RCN2: variants seen among roughly 807,000 people sequenced by gnomAD.
The protein encoded by RCN2 is reticulocalbin-2.
RCN2 carries 23 observed loss-of-function variants against 37.5 expected under a neutral mutation model. The ratio of observed to expected loss-of-function variants is 0.61; its 90% CI spans 0.44 to 0.87. The LOEUF (loss-of-function observed/expected upper bound fraction) is 0.87, where lower values mean the gene tolerates loss of function less well. Among genes scored for constraint, RCN2 ranks in the 40% least tolerant of loss-of-function variants. The pLI, the probability that RCN2 is intolerant of heterozygous loss-of-function variation, is 0.00. For synonymous variants in RCN2, 140 were observed against 144.6 expected, an observed-to-expected ratio of 0.97 and a Z score of 0.23; for missense variants, 381 against 390.4, an observed-to-expected ratio of 0.98 and a Z score of 0.20.
chr15:76,941,986 A>G (rs561032856), intron 3 of RCN2: 44 of 237,266 alleles, frequency 1.9e-4, no homozygotes, highest in African/African-American at 9.8e-4. Flanking sequence ...GTCTGCTTTT[A>G]CCATGTTAAA....
intron 3 of RCN2, among the ~76,000 whole-genome samples, chr15:76,938,060 T>G (rs2075260447): frequency 6.6e-6 from 1 of 152,180 alleles, no homozygotes; most frequent in Non-Finnish European, 1.5e-5. Flanking sequence ...TCAGGGTAAT[T>G]AGAGGATCAC....
At chr15:76,943,560 G>A (rs75116689) in intron 3 of RCN2, 198 bp from the exon 4 acceptor site, 5,813 of 402,542 alleles carry the variant, frequency 0.014, 78 homozygotes, top group Non-Finnish European at 0.02. Context: ...TGGAATTCAG[G>A]TCTGGGTCTA....
At chr15:76,934,615 T>C (rs1331856606) in intron 2 of RCN2, among the ~76,000 whole-genome samples, 1 of 152,246 alleles carries the variant, frequency 6.6e-6, no homozygotes, top group African/African-American at 2.4e-5. Context: ...AAAGGTAATA[T>C]ACTGAAGCAG....
intron 1 of RCN2, 86 bp from the exon 2 acceptor site, chr15:76,932,275 G>T (rs1596000965): frequency 1.9e-6 from 2 of 1,059,396 alleles, no homozygotes; most frequent in Non-Finnish European, 2.9e-6. Context: ...TTGGCAAGGG[G>T]GTCTTCTAGT....
chr15:76,947,505 A>G lies in RCN2; in HGVS notation c.646A>G (p.Arg216Gly), dbSNP rs772343896. Residue 216 changes from arginine to glycine, a missense_variant, in exon 5 of 7, where the codon AGG becomes GGG. Coordinates refer to ENST00000394885, the MANE Select transcript of RCN2 (RefSeq NM_002902.3). ...VSLEEFLGDYRWDPTANEDPE... is the reference protein window; with the variant it reads ...VSLEEFLGDYGWDPTANEDPE... ...TTTGGAAGAATTTCTTGGTGATTAC[A>G]GGTGGGATCCAAGTAAGTCACCTGG... 9 of 1,599,146 alleles carry G rather than the reference A, an allele frequency of 5.6e-6. No individual in the cohort carries two copies. The African/African-American group carries it at 9.4e-5, about 17-fold the overall frequency.
chr15:76,936,041 T>C (rs1386043916), intron 3 of RCN2, among the ~76,000 whole-genome samples: 1 of 152,198 alleles, frequency 6.6e-6, no homozygotes, highest in African/African-American at 2.4e-5. Flanking sequence ...ATCAGTTTTA[T>C]CTTTATTAAG....
intron 3 of RCN2, among the ~76,000 whole-genome samples, 192 bp downstream of exon 3, chr15:76,935,914 C>T (rs888356043): frequency 1.2e-4 from 18 of 152,194 alleles, no homozygotes; most frequent in Non-Finnish European, 1.3e-4. Context: ...TTCTAAATTA[C>T]CTACATGATC....
chr15:76,937,792 T>G (rs1185291133), intron 3 of RCN2, among the ~76,000 whole-genome samples: 1 of 152,198 alleles, frequency 6.6e-6, no homozygotes, highest in Admixed American at 6.5e-5. Flanking sequence ...ATATGCTTCT[T>G]AAGCAGAGCT....
At chr15:76,932,924 G>C (rs566642453) in intron 2 of RCN2, among the ~76,000 whole-genome samples, 2 of 152,168 alleles carry the variant, frequency 1.3e-5, no homozygotes, top group East Asian at 3.9e-4. Context: ...CAAAATGTTA[G>C]AGCTGGTAGG....
chr15:76,941,392 A>G (rs753711546), intron 3 of RCN2: 1 of 314,666 alleles, frequency 3.2e-6, no homozygotes, highest in Non-Finnish European at 5.8e-6. Flanking sequence ...TTTAATGCCT[A>G]GTCATTTGTT....
chr15:76,953,669 G>A lies in RCN2; in HGVS notation c.*4447G>A, dbSNP rs1423264046. On this transcript the variant is annotated 3_prime_UTR_variant, in exon 7 of 7. Transcript: ENST00000394885. ...GTCGCCCAGGCTGGAGTGCAGTGGC[G>A]CGATCTCGGCTCACTGCAGGCTCCG... 3 of 132,408 alleles carry A rather than the reference G, an allele frequency of 2.3e-5. No individual in the cohort carries two copies. Among genetic ancestry groups the A allele is most frequent in the South Asian group, 2.5e-4 (1 of 3,996 alleles). The allele number at this position is 132,408 out of a possible 1,614,324, so 8.2% of individuals were successfully genotyped here.
rs1444346994 is a variant in RCN2, at chr15:76,949,680, C to A, written c.*458C>A. 6.6e-6 allele frequency: 1 copy of A among 152,580 alleles called. No individual in the cohort carries two copies. The highest frequency in any genetic ancestry group is 1.5e-5 in the Non-Finnish European group (1 of 68,048). 9.5% of individuals were successfully genotyped at this position (152,580 alleles called of 1,614,324 possible). On this transcript the variant is annotated 3_prime_UTR_variant, in exon 7 of 7. Coordinates refer to ENST00000394885, the MANE Select transcript of RCN2 (RefSeq NM_002902.3). Reference sequence around the variant, plus strand: ...TTTTGTTTAAAAACCTTTAAAGAAACCTTTAGAAGGACTTAGACCTCACAT... The same window carrying A: ...TTTTGTTTAAAAACCTTTAAAGAAAACTTTAGAAGGACTTAGACCTCACAT...
chr15:76,943,941 T>C, intron 4 of RCN2, 70 bp downstream of exon 4: 1 of 798,010 alleles, frequency 1.3e-6, no homozygotes, highest in Non-Finnish European at 2.0e-6. Flanking sequence ...TTAAAATTTT[T>C]GTGGGTACAT....
In RCN2 at chr15:76,947,459, A is replaced by T; in HGVS notation, c.600A>T (p.Lys200Asn). The T allele has an allele frequency of 1.9e-6, 3 of 1,609,768 alleles. No individual in the cohort carries two copies. The highest frequency in any genetic ancestry group is 2.5e-6 in the Non-Finnish European group (3 of 1,178,248). ...VIQEALEEHDKNGDGFVSLEE... is the reference protein window; with the variant it reads ...VIQEALEEHDNNGDGFVSLEE... Reference sequence around the variant, plus strand: ...AAGAAGCTTTAGAAGAACATGACAAAAATGGTGATGGATTTGTTAGTTTGG... The same window carrying T: ...AAGAAGCTTTAGAAGAACATGACAATAATGGTGATGGATTTGTTAGTTTGG... Residue 200 changes from lysine (K) to asparagine (N), a missense_variant, in exon 5 of 7, where the codon AAA becomes AAT. By Grantham distance (94) the Lys-to-Asn change is moderately conservative. Transcript: ENST00000394885.
At chr15:76,948,820 T>C in intron 6 of RCN2, 1 of 525,070 alleles carries the variant, frequency 1.9e-6, no homozygotes, top group Non-Finnish European at 3.3e-6. Flanking sequence ...GTTATAATAA[T>C]TTTTCATTGC....
chr15:76,933,174 GTC>G (rs1339267029), intron 2 of RCN2, among the ~76,000 whole-genome samples: 1 of 152,160 alleles, frequency 6.6e-6, no homozygotes, highest in Non-Finnish European at 1.5e-5. Context: ...CTGTGCAGTT[GTC>G]TCTCCCCATT....
Position 76,943,762 on chromosome 15 carries a change from A to C in RCN2, c.452A>C (p.His151Pro). Residue 151 changes from histidine to proline, a missense_variant, in exon 4 of 7, where the codon CAC becomes CCC. Coordinates refer to ENST00000394885, the MANE Select transcript of RCN2 (RefSeq NM_002902.3). ...GAGAAATTTTAATTTTCAAAGCTTC[A>C]CTTAAAGGACAAGAAGCGATTTGAA... is the stretch of plus-strand genomic sequence containing the variant. The part of the protein sequence containing the change: ...DAEEESFRKL[H>P]LKDKKRFEKA... 1 of 1,577,332 alleles carries C rather than the reference A, an allele frequency of 6.3e-7. No individual in the cohort carries two copies. The highest frequency in any genetic ancestry group is 8.7e-7 in the Non-Finnish European group (1 of 1,151,966).
Position 76,954,100 on chromosome 15 carries a change from C to G in RCN2, c.*4878C>G, listed in dbSNP as rs1291544025. ...CATCCTGTTGGGTGAGACGTGGTAT[C>G]TCGTTGTGGCTTTGATTTGCATTTC... On this transcript the variant is annotated 3_prime_UTR_variant, in exon 7 of 7. Transcript: ENST00000394885. The G allele has an allele frequency of 7.2e-6, 1 of 139,608 alleles. No individual in the cohort carries two copies. The highest frequency in any genetic ancestry group is 2.7e-5 in the African/African-American group (1 of 37,322). 8.6% of individuals were successfully genotyped at this position (139,608 alleles called of 1,614,324 possible).
chr15:76,937,899 G>A (rs2075259645), intron 3 of RCN2, among the ~76,000 whole-genome samples: 1 of 152,130 alleles, frequency 6.6e-6, no homozygotes, highest in African/African-American at 2.4e-5. Context: ...CTGTGAGCTT[G>A]AGAAATTGAT....
Sources: gnomAD v4.1 joint callset for allele counts (sites outside exome capture counted in the v4.1 genomes callset) on GRCh38, gnomAD v4.1.1 for gene constraint, MANE v1.5 for transcripts, NCBI Gene and HGNC (gene_info 2026-07-23, HGNC 2026-07-21) for gene names.